Variants in NCOA2 observed in about 807,000 individuals in gnomAD.
NCOA2 encodes nuclear receptor coactivator 2.
NCOA2 carries 21 observed loss-of-function variants against 145.1 expected under a neutral mutation model. The ratio of observed to expected loss-of-function variants is 0.14; its 90% CI spans 0.10 to 0.21. The LOEUF (loss-of-function observed/expected upper bound fraction) is 0.21, where lower values mean the gene tolerates loss of function less well. Among genes scored for constraint, NCOA2 ranks in the 10% least tolerant of loss-of-function variants. NCOA2 has a pLI of 1.00. For missense variants in NCOA2, 1,472 were observed against 1,837.6 expected (o/e 0.80, Z 3.64); for synonymous variants, 619 against 637.5 (o/e 0.97, Z 0.44).
intron 1 of NCOA2, among the ~76,000 whole-genome samples, chr8:70,379,879 C>T (rs1226222849): frequency 1.3e-5 from 2 of 152,022 alleles, no homozygotes; most frequent in Non-Finnish European, 2.9e-5. Flanking sequence ...AAAACTCATA[C>T]AAAAATGACG....
chr8:70,124,819 G>A lies in NCOA2; in HGVS notation c.3963C>T (p.Pro1321=). Reference sequence around the variant, plus strand: ...TTCGGGGTGACATAAGTGGGCTCTGGGGAGTCGTAGCCCCAGTAAAGCCTG... The same window carrying A: ...TTCGGGGTGACATAAGTGGGCTCTGAGGAGTCGTAGCCCCAGTAAAGCCTG... ...PDPGFTGATT[P]QSPLMSPRMA... The change falls in exon 20 of 23, where the codon CCC becomes CCT. Residue 1321 remains proline (P), a synonymous_variant. Coordinates refer to ENST00000452400, the MANE Select transcript of NCOA2 (RefSeq NM_006540.4). 6.2e-7 allele frequency: 1 copy of A among 1,612,992 alleles called. No homozygotes were observed. Among genetic ancestry groups the A allele is most frequent in the African/African-American group, 1.3e-5 (1 of 74,868 alleles).
intron 1 of NCOA2, among the ~76,000 whole-genome samples, chr8:70,350,968 G>A (rs1044572724): frequency 7.2e-5 from 11 of 152,156 alleles, no homozygotes; most frequent in Admixed American, 2.6e-4. Flanking sequence ...AAGATGCTTG[G>A]CAACTGATGA....
chr8:70,209,004 A>G (rs1418395502), intron 4 of NCOA2, among the ~76,000 whole-genome samples: 2 of 152,252 alleles, frequency 1.3e-5, no homozygotes, highest in Non-Finnish European at 2.9e-5. Context: ...AGATCTGGGC[A>G]AAGTACAAAG....
the NCOA2 span, among the ~76,000 whole-genome samples, chr8:70,440,725 GGA>G: frequency 6.9e-6 from 1 of 145,920 alleles, no homozygotes; most frequent in South Asian, 2.2e-4. Flanking sequence ...AGAAAAAGAG[GGA>G]GAGAGAGAAA....
intron 2 of NCOA2, among the ~76,000 whole-genome samples, chr8:70,229,699 C>G (rs2134193260): frequency 6.6e-6 from 1 of 152,256 alleles, no homozygotes; most frequent in South Asian, 2.1e-4. Context: ...AGCACGACCC[C>G]AGAACCATGC....
chr8:70,438,635 C>T, the NCOA2 span, among the ~76,000 whole-genome samples: 3 of 152,156 alleles, frequency 2.0e-5, no homozygotes, highest in African/African-American at 7.2e-5. Context: ...ATTGACTTGG[C>T]CTGATTGGAG....
intron 1 of NCOA2, among the ~76,000 whole-genome samples, chr8:70,321,187 A>G (rs1246649113): frequency 6.6e-6 from 1 of 152,224 alleles, no homozygotes; most frequent in Admixed American, 6.5e-5. Flanking sequence ...CATGGAAAGT[A>G]TAGTTAACAA....
the NCOA2 span, among the ~76,000 whole-genome samples, chr8:70,447,826 A>G: frequency 1.1e-4 from 16 of 151,962 alleles, no homozygotes; most frequent in East Asian, 9.7e-4. Flanking sequence ...TTAGGACTAC[A>G]GGAGCATGCC....
At chr8:70,378,056 A>T (rs1398339363) in intron 1 of NCOA2, among the ~76,000 whole-genome samples, 2 of 152,186 alleles carry the variant, frequency 1.3e-5, no homozygotes, top group African/African-American at 4.8e-5. Flanking sequence ...AGTAAAATGG[A>T]CCAATTCCCT....
At chr8:70,404,936 G>C (rs535497545), upstream of NCOA2, among the ~76,000 whole-genome samples, 2 of 152,254 alleles carry the variant, frequency 1.3e-5, no homozygotes, top group Admixed American at 6.5e-5. Context: ...CATATTCCCT[G>C]ATTTTAATCT....
At chr8:70,251,818 G>A (rs768482937) in intron 2 of NCOA2, among the ~76,000 whole-genome samples, 3 of 152,198 alleles carry the variant, frequency 2.0e-5, no homozygotes, top group African/African-American at 4.8e-5. Flanking sequence ...ATCTAGGCCT[G>A]GGAATCTCAA....
At chr8:70,173,464 A>G (rs1444569245) in intron 5 of NCOA2, among the ~76,000 whole-genome samples, 1 of 152,216 alleles carries the variant, frequency 6.6e-6, no homozygotes, top group East Asian at 1.9e-4. Context: ...CTTTCATTTA[A>G]TTCTAAATGG....
chr8:70,451,237 A>ATATATATAT, the NCOA2 span, among the ~76,000 whole-genome samples: 46 of 69,504 alleles, frequency 6.6e-4, no homozygotes, highest in African/African-American at 3.3e-3. Context: ...AAAAAAAAAA[A>ATATATATAT]ATATATATAT....
At chr8:70,399,481 C>G (rs1287830333) in intron 1 of NCOA2, among the ~76,000 whole-genome samples, 1 of 152,158 alleles carries the variant, frequency 6.6e-6, no homozygotes, top group Non-Finnish European at 1.5e-5. Flanking sequence ...TGATTTGTTG[C>G]TGATTTTATG....
rs1410445817 is a variant in NCOA2, at chr8:70,125,336, A to C, written c.3917-471T>G. Among the ~76,000 whole-genome samples the C allele has an allele frequency of 2.0e-5, 3 of 152,104 alleles. No individual in the cohort carries two copies. In the East Asian group the frequency reaches 5.8e-4, roughly 29 times the overall value. On this transcript the variant is annotated intron_variant, in intron 19 of 22. Coordinates refer to ENST00000452400, the MANE Select transcript of NCOA2 (RefSeq NM_006540.4). Reference sequence around the variant, plus strand: ...GAGTACAGTGGCGTGATCATAGTTCACTGCAGCCTTGACCTCCTGGGCGCA... The same window carrying C: ...GAGTACAGTGGCGTGATCATAGTTCCCTGCAGCCTTGACCTCCTGGGCGCA...
chr8:70,128,555 C>T, intron 17 of NCOA2, 45 bp from the exon 18 acceptor site: 1 of 1,596,588 alleles, frequency 6.3e-7, no homozygotes. Context: ...GAACAGAATA[C>T]ATTTTACTTT....
chr8:70,156,388 G>A lies in NCOA2; in HGVS notation c.1977C>T (p.Ser659=), dbSNP rs542368118. The A allele has an allele frequency of 6.2e-7, 1 of 1,613,980 alleles. No individual in the cohort carries two copies. The highest frequency in any genetic ancestry group is 1.7e-5 in the Admixed American group (1 of 60,010). The change falls in exon 11 of 23, where the codon AGC becomes AGT. Residue 659 remains serine (S), a synonymous_variant. Coordinates refer to ENST00000452400, the MANE Select transcript of NCOA2 (RefSeq NM_006540.4). ...AGTCTTTGTTTGTATCCGACAAAGA[G>A]CTGGCTAAGGGCGAGGGCTCCATCT... ...SDQMEPSPLA[S]SLSDTNKDST... is the part of the protein sequence containing the mutation.
chr8:70,157,802 CTTGT>C (rs753492098), intron 10 of NCOA2, among the ~76,000 whole-genome samples: 10 of 152,296 alleles, frequency 6.6e-5, no homozygotes, highest in Non-Finnish European at 1.5e-4. Context: ...ATTAGATCAC[CTTGT>C]TTAACAGATT....
chr8:70,149,579 A>G (rs1221955582), intron 11 of NCOA2, among the ~76,000 whole-genome samples: 1 of 150,282 alleles, frequency 6.7e-6, no homozygotes, highest in Admixed American at 6.6e-5. Context: ...TTTCTCTTCC[A>G]TTAAAAAAAA....
Sources: allele counts gnomAD v4.1 joint callset (sites outside exome capture counted in the v4.1 genomes callset), GRCh38; gene constraint gnomAD v4.1.1; transcripts MANE v1.5; gene names NCBI Gene and HGNC (gene_info 2026-07-23, HGNC 2026-07-21).